Variants in KCNB2 observed in about 807,000 individuals in gnomAD.
KCNB2 encodes the protein delayed rectifier potassium channel protein.
KCNB2 carries 15 observed loss-of-function variants against 61.5 expected under a neutral mutation model. The ratio of observed to expected loss-of-function variants is 0.24; its 90% CI spans 0.16 to 0.38. KCNB2 has a LOEUF of 0.38. Among genes scored for constraint, KCNB2 ranks in the 10% least tolerant of loss-of-function variants. The pLI is 1.00. For synonymous variants in KCNB2, 457 were observed against 446.0 expected, an observed-to-expected ratio of 1.02 and a Z score of -0.31; for missense variants, 828 against 1,125.2, an observed-to-expected ratio of 0.74 and a Z score of 3.78.
chr8:72,869,816 C>T (rs62518367), intron 2 of KCNB2, among the ~76,000 whole-genome samples: 23 of 152,264 alleles, frequency 1.5e-4, no homozygotes, highest in Non-Finnish European at 2.2e-4. Context: ...GAACTACCAT[C>T]TGATCAGGCA....
chr8:72,663,743 G>A (rs1364428576), intron 2 of KCNB2, among the ~76,000 whole-genome samples: 1 of 152,166 alleles, frequency 6.6e-6, no homozygotes, highest in Admixed American at 6.5e-5. Flanking sequence ...AGATAGATTG[G>A]TGTGGAAACA....
intron 2 of KCNB2, among the ~76,000 whole-genome samples, chr8:72,584,417 T>C (rs535492198): frequency 6.6e-6 from 1 of 152,322 alleles, no homozygotes; most frequent in Admixed American, 6.5e-5. Flanking sequence ...TCCTCAGGGC[T>C]GGTTCCATTT....
At chr8:72,719,109 T>A (rs1198211459) in intron 2 of KCNB2, among the ~76,000 whole-genome samples, 1 of 152,178 alleles carries the variant, frequency 6.6e-6, no homozygotes, top group African/African-American at 2.4e-5. Context: ...TTTTGTTTGT[T>A]TGTTTGTTTT....
chr8:72,729,500 C>T (rs1258536240), intron 2 of KCNB2, among the ~76,000 whole-genome samples: 1 of 152,184 alleles, frequency 6.6e-6, no homozygotes, highest in Non-Finnish European at 1.5e-5. Flanking sequence ...TCCAGAACAT[C>T]CTTTCCTCTT....
intron 2 of KCNB2, among the ~76,000 whole-genome samples, chr8:72,700,265 T>C (rs1404466901): frequency 1.3e-5 from 2 of 152,072 alleles, no homozygotes; most frequent in Non-Finnish European, 2.9e-5. Context: ...AAAACCCAGA[T>C]GATGAGTTGA....
chr8:72,761,833 A>G (rs1259120481), intron 2 of KCNB2, among the ~76,000 whole-genome samples: 1 of 152,196 alleles, frequency 6.6e-6, no homozygotes, highest in Non-Finnish European at 1.5e-5. Flanking sequence ...TCCACTGCTG[A>G]CAGCCTGTAC....
chr8:72,923,686 C>G (rs1040191708), intron 2 of KCNB2, among the ~76,000 whole-genome samples: 1 of 150,362 alleles, frequency 6.7e-6, no homozygotes, highest in East Asian at 1.9e-4. Flanking sequence ...ATACATTTGT[C>G]TGTACCAAAC....
At position 72,766,316 on chromosome 8, in the gene KCNB2, G is replaced by A. The variant is rs941025821; in HGVS notation, c.580-169619G>A. On this transcript the variant is annotated intron_variant, in intron 2 of 2. Coordinates refer to ENST00000523207, the MANE Select transcript of KCNB2 (RefSeq NM_004770.3). ...TCTCACATCCAGCCAAAGAATCACTGCTCTGAAAGGATAGCCTATGAACAA... is the reference window on the plus strand; with the variant it reads ...TCTCACATCCAGCCAAAGAATCACTACTCTGAAAGGATAGCCTATGAACAA... 3.3e-5 allele frequency among the ~76,000 whole-genome samples: 5 copies of A among 152,184 alleles called. No homozygotes were observed. The South Asian group carries it at 8.3e-4, about 25-fold the overall frequency.
At chr8:72,718,757 T>G (rs111493301) in intron 2 of KCNB2, among the ~76,000 whole-genome samples, 3,846 of 152,124 alleles carry the variant, frequency 0.025, 66 homozygotes, top group South Asian at 0.074. Flanking sequence ...GGCACATATA[T>G]ACATATGTAA....
chr8:72,900,469 T>C (rs536169239), intron 2 of KCNB2, among the ~76,000 whole-genome samples: 3 of 152,228 alleles, frequency 2.0e-5, no homozygotes, highest in South Asian at 4.1e-4. Flanking sequence ...CCAAAAGCAA[T>C]TGTGACATAA....
chr8:72,808,810 AC>A (rs1386925498), intron 2 of KCNB2, among the ~76,000 whole-genome samples: 1 of 152,118 alleles, frequency 6.6e-6, no homozygotes, highest in South Asian at 2.1e-4. Context: ...AACCTTCCTG[AC>A]CCTAAATCTG....
chr8:72,701,613 A>C (rs888587890), intron 2 of KCNB2, among the ~76,000 whole-genome samples: 2 of 152,160 alleles, frequency 1.3e-5, no homozygotes, highest in African/African-American at 4.8e-5. Context: ...GATAGGCTGG[A>C]GTAGGCAGAA....
chr8:72,644,601 C>T (rs532203720), intron 2 of KCNB2, among the ~76,000 whole-genome samples: 16 of 152,256 alleles, frequency 1.1e-4, no homozygotes, highest in African/African-American at 3.6e-4. Flanking sequence ...AGACTAGCAT[C>T]TTATTTGAAG....
intron 1 of KCNB2, among the ~76,000 whole-genome samples, chr8:72,544,392 A>G (rs1351296925): frequency 6.6e-6 from 1 of 152,194 alleles, no homozygotes; most frequent in East Asian, 1.9e-4. Flanking sequence ...GAAAATTTTT[A>G]AAAAGTGGTG....
At chr8:72,542,673 G>A (rs1806207484) in intron 1 of KCNB2, among the ~76,000 whole-genome samples, 1 of 152,128 alleles carries the variant, frequency 6.6e-6, no homozygotes, top group Non-Finnish European at 1.5e-5. Context: ...CCACAAGGAG[G>A]AGAGAAAATG....
chr8:72,932,895 A>G (rs1021583626), intron 2 of KCNB2, among the ~76,000 whole-genome samples: 1 of 152,216 alleles, frequency 6.6e-6, no homozygotes, highest in African/African-American at 2.4e-5. Flanking sequence ...TCATTGCACC[A>G]CACATCACCT....
chr8:72,745,578 T>C (rs765775318), intron 2 of KCNB2, among the ~76,000 whole-genome samples: 1 of 152,208 alleles, frequency 6.6e-6, no homozygotes. Flanking sequence ...GAAACTTTCA[T>C]CATTCCCCTC....
chr8:72,627,933 C>T (rs1805816067), intron 2 of KCNB2, among the ~76,000 whole-genome samples: 1 of 151,900 alleles, frequency 6.6e-6, no homozygotes, highest in African/African-American at 2.4e-5. Context: ...AAAATGTTTC[C>T]CTGATGACTT....
At position 72,937,217 on chromosome 8, in the gene KCNB2, T is replaced by C. The variant is rs768991339; in HGVS notation, c.1862T>C (p.Leu621Pro). The change falls in exon 3 of 3, where the codon CTG (leucine) becomes CCG (proline). Residue 621 changes from leucine (L) to proline (P), a missense_variant. Transcript: ENST00000523207. The stretch of plus-strand genomic sequence containing the variant: ...TTCACAGAGACAGAGAGATCGCCGC[T>C]GCCGCCGCCCTCCGCCTCTCACTTG... ...TDFTETERSP[L>P]PPPSASHLQM... The C allele has an allele frequency of 3.7e-6, 6 of 1,614,030 alleles. No individual in the cohort carries two copies. The highest frequency in any genetic ancestry group is 5.1e-6 in the Non-Finnish European group (6 of 1,179,992).
Sources: allele counts gnomAD v4.1 joint callset (sites outside exome capture counted in the v4.1 genomes callset), GRCh38; gene constraint gnomAD v4.1.1; transcripts MANE v1.5; gene names NCBI Gene and HGNC (gene_info 2026-07-23, HGNC 2026-07-21).